The following PSPC1 variants were observed in gnomAD, a reference collection of about 807,000 sequenced individuals.
PSPC1 encodes paraspeckle component 1.
In PSPC1, 14 loss-of-function variants were observed where a neutral mutation model predicts 51.6. That is an observed-to-expected ratio of 0.27 (90% CI 0.18 to 0.42). The LOEUF (loss-of-function observed/expected upper bound fraction) is 0.42, where lower values mean the gene tolerates loss of function less well. PSPC1 is among the 10% of genes least tolerant of loss of function. The probability of loss-of-function intolerance (pLI) is 1.00; values close to 1 mark genes in which losing one functional copy is unlikely to be tolerated. For missense variants in PSPC1, 406 were observed against 701.1 expected (o/e 0.58, Z 4.75); for synonymous variants, 193 against 231.9 (o/e 0.83, Z 1.53).
At chr13:19,736,476 G>C (rs949476414) in intron 5 of PSPC1, among the ~76,000 whole-genome samples, 2 of 151,998 alleles carry the variant, frequency 1.3e-5, no homozygotes, top group African/African-American at 2.4e-5. Context: ...AAGGTCAGCA[G>C]ATCGAGACCA....
At chr13:19,677,184 G>C (rs1876751052) in intron 7 of PSPC1, among the ~76,000 whole-genome samples, 1 of 145,628 alleles carries the variant, frequency 6.9e-6, no homozygotes, top group African/African-American at 2.6e-5. Context: ...AGTGAGCCAA[G>C]ATCGTGCCAC....
chr13:19,725,800 T>G (rs1593629743), intron 6 of PSPC1, among the ~76,000 whole-genome samples: 2 of 151,980 alleles, frequency 1.3e-5, no homozygotes, highest in Non-Finnish European at 2.9e-5. Context: ...CAAATCAAGG[T>G]TGCCACACCC....
At position 19,782,830 on chromosome 13, in the gene PSPC1, T is replaced by C; in HGVS notation, c.-73A>G. On this transcript the variant is annotated 5_prime_UTR_variant, in exon 1 of 9. Transcript: ENST00000338910. This position sits in a 1 kb window ranked among gnomAD's most constrained non-coding sequence, Gnocchi z 4.5. ...CAGTGTGTCTATATATATGTATACG[T>C]CTCTACATAAACCTATGCCAACAAA... The C allele has an allele frequency of 7.1e-7, 1 of 1,408,164 alleles. No homozygotes were observed. Among genetic ancestry groups the C allele is most frequent in the Non-Finnish European group, 9.2e-7 (1 of 1,083,816 alleles). 87.2% of individuals were successfully genotyped at this position (1,408,164 alleles called of 1,614,324 possible). A position where few individuals can be genotyped will look rare whatever the true frequency, so the allele number is the denominator to read the frequency against.
At chr13:19,714,820 T>A (rs1234128095) in intron 6 of PSPC1, among the ~76,000 whole-genome samples, 2 of 151,974 alleles carry the variant, frequency 1.3e-5, no homozygotes, top group Non-Finnish European at 2.9e-5. Context: ...GATGTAAGAG[T>A]ACTTTTAAGT....
intron 6 of PSPC1, among the ~76,000 whole-genome samples, chr13:19,690,844 A>T (rs1226977868): frequency 2.0e-5 from 3 of 152,274 alleles, no homozygotes; most frequent in Admixed American, 2.0e-4. Context: ...ACCAACGTCT[A>T]TTAAGAGCTG....
At chr13:19,764,819 G>C (rs1305767356) in intron 2 of PSPC1, among the ~76,000 whole-genome samples, 1 of 151,600 alleles carries the variant, frequency 6.6e-6, no homozygotes, top group Non-Finnish European at 1.5e-5. Flanking sequence ...TTGCAGCCTC[G>C]ACCTACAAGG....
At chr13:19,749,542 AAT>A (rs1886322726) in intron 4 of PSPC1, among the ~76,000 whole-genome samples, 1 of 151,794 alleles carries the variant, frequency 6.6e-6, no homozygotes, top group South Asian at 2.1e-4. Flanking sequence ...AAAAAAAAAA[AAT>A]CTCTCTTCCA....
At chr13:19,755,529 G>A (rs1304944046) in intron 3 of PSPC1, among the ~76,000 whole-genome samples, 1 of 151,588 alleles carries the variant, frequency 6.6e-6, no homozygotes, top group African/African-American at 2.4e-5. Context: ...CGGAGGTTGT[G>A]GTGAGCCAAG....
intron 6 of PSPC1, among the ~76,000 whole-genome samples, chr13:19,716,008 C>T (rs376231812): frequency 2.0e-5 from 3 of 150,850 alleles, no homozygotes; most frequent in East Asian, 1.9e-4. Flanking sequence ...AGCAAGACTC[C>T]GTCTCAAAAA....
rs1019237347 is a variant in PSPC1, at chr13:19,782,271, G to A, written c.372+115C>T. 62 of 1,403,612 alleles carry A rather than the reference G, an allele frequency of 4.4e-5. No homozygotes were observed. The highest frequency in any genetic ancestry group is 5.0e-5 in the Non-Finnish European group (54 of 1,074,880). 86.9% of individuals were successfully genotyped at this position (1,403,612 alleles called of 1,614,324 possible). On this transcript the variant is annotated intron_variant, in intron 1 of 8. Transcript: ENST00000338910. The surrounding 1 kb of genome is among the most constrained non-coding windows in gnomAD (Gnocchi z 4.5). Reference sequence around the variant, plus strand: ...AGAGGAATCGATGAGGCCGAGCGGCGCCACGGTTGCCACAGGTTGAGACAG... The same window carrying A: ...AGAGGAATCGATGAGGCCGAGCGGCACCACGGTTGCCACAGGTTGAGACAG...
chr13:19,671,470 C>T (rs1483463189), downstream of PSPC1, among the ~76,000 whole-genome samples: 4 of 152,100 alleles, frequency 2.6e-5, no homozygotes, highest in African/African-American at 9.7e-5. Context: ...CATAATAATG[C>T]GGCAGGAAAA....
chr13:19,688,182 T>C (rs1445877059), intron 6 of PSPC1, among the ~76,000 whole-genome samples: 1 of 152,136 alleles, frequency 6.6e-6, no homozygotes, highest in Admixed American at 6.5e-5. Context: ...TATTGTATCT[T>C]ATATGCATTT....
intron 2 of PSPC1, among the ~76,000 whole-genome samples, chr13:19,770,949 CTTT>C (rs1415126568): frequency 1.3e-4 from 20 of 151,186 alleles, no homozygotes; most frequent in Admixed American, 1.3e-3. Flanking sequence ...AACAGAATGT[CTTT>C]TATTATTTTA....
chr13:19,730,957 C>CAAAAAAAAAAAAAAAAA, intron 5 of PSPC1, among the ~76,000 whole-genome samples: 1 of 36,954 alleles, frequency 2.7e-5, no homozygotes, highest in Non-Finnish European at 5.4e-5. Flanking sequence ...AAAAAAAAAA[C>CAAAAAAAAAAAAAAAAA]AAAAAAACAA....
At chr13:19,746,609 G>A (rs1213928457) in intron 4 of PSPC1, among the ~76,000 whole-genome samples, 1 of 151,760 alleles carries the variant, frequency 6.6e-6, no homozygotes, top group African/African-American at 2.4e-5. Context: ...CCTGAGGGAG[G>A]AGAATCACTT....
chr13:19,675,202 GT>G (rs1396142209), intron 7 of PSPC1: 1 of 152,494 alleles, frequency 6.6e-6, no homozygotes, highest in Non-Finnish European at 1.5e-5. Context: ...AACAGTGCCA[GT>G]TTTCTTATTC....
chr13:19,770,485 C>T (rs946316939), intron 2 of PSPC1, among the ~76,000 whole-genome samples: 1 of 151,994 alleles, frequency 6.6e-6, no homozygotes, highest in Non-Finnish European at 1.5e-5. Context: ...CATGGTGAAA[C>T]CCCGTCTCTA....
chr13:19,713,985 A>C (rs910383767), intron 6 of PSPC1, among the ~76,000 whole-genome samples: 1 of 152,240 alleles, frequency 6.6e-6, no homozygotes, highest in Admixed American at 6.5e-5. Context: ...GCACAAGCCA[A>C]GAGACTTGGG....
At chr13:19,677,752 T>C (rs1565951504) in exon 7 of PSPC1, 1 of 476,972 alleles carries the variant, frequency 2.1e-6, no homozygotes, top group Admixed American at 2.2e-5. Context: ...CCAGTACTTC[T>C]GGTCTTAACT....
Sources: gnomAD v4.1 joint callset for allele counts (sites outside exome capture counted in the v4.1 genomes callset) on GRCh38, gnomAD v4.1.1 for gene constraint, Gnocchi (gnomAD v3.1) non-coding constraint, MANE v1.5 for transcripts, NCBI Gene and HGNC (gene_info 2026-07-23, HGNC 2026-07-21) for gene names.